The following DLG2 variants were observed in gnomAD, a reference collection of about 807,000 sequenced individuals.
DLG2 encodes the protein discs large MAGUK scaffold protein 2.
DLG2 carries 45 observed loss-of-function variants against 132.5 expected under a neutral mutation model. The observed-to-expected ratio is 0.34, with a 90% CI of 0.27 to 0.44. DLG2 has a LOEUF of 0.44. Ranked by LOEUF, DLG2 falls within the 20% of genes least tolerant of loss-of-function variation. The probability of loss-of-function intolerance (pLI) is 1.00; values close to 1 mark genes in which losing one functional copy is unlikely to be tolerated. For missense variants in DLG2, 1,045 were observed against 1,196.9 expected, an observed-to-expected ratio of 0.87 and a Z score of 1.87; for synonymous variants, 424 against 419.6, an observed-to-expected ratio of 1.01 and a Z score of -0.13.
intron 20 of DLG2, among the ~76,000 whole-genome samples, chr11:83,538,399 C>A (rs1364996805): frequency 6.6e-6 from 1 of 152,222 alleles, no homozygotes; most frequent in East Asian, 1.9e-4. Context: ...ATAGAGACAT[C>A]AGAAAGGCAT....
At chr11:85,055,487 T>A (rs1028360840) in intron 6 of DLG2, among the ~76,000 whole-genome samples, 1 of 152,170 alleles carries the variant, frequency 6.6e-6, no homozygotes, top group Non-Finnish European at 1.5e-5. Flanking sequence ...TAGAAGCTAG[T>A]GCTAAGCAAG....
At chr11:83,961,176 A>T (rs1366957494) in intron 14 of DLG2, among the ~76,000 whole-genome samples, 1 of 152,158 alleles carries the variant, frequency 6.6e-6, no homozygotes, top group South Asian at 2.1e-4. Context: ...TCATCACAAC[A>T]ACCTATTGAG....
At chr11:84,053,433 A>C (rs2096439056) in intron 11 of DLG2, among the ~76,000 whole-genome samples, 1 of 151,946 alleles carries the variant, frequency 6.6e-6, no homozygotes, top group South Asian at 2.1e-4. Flanking sequence ...ACTTAAATTA[A>C]AAGTTGAAGG....
intron 6 of DLG2, among the ~76,000 whole-genome samples, chr11:84,613,909 CTGAT>C (rs1565457949): frequency 6.6e-6 from 1 of 152,120 alleles, no homozygotes; most frequent in Non-Finnish European, 1.5e-5. Context: ...GAGGCAGTCA[CTGAT>C]AATACTTTTA....
intron 6 of DLG2, among the ~76,000 whole-genome samples, chr11:84,959,427 AG>A (rs1417497841): frequency 1.3e-5 from 2 of 152,204 alleles, no homozygotes; most frequent in Non-Finnish European, 2.9e-5. Context: ...ATTGGGTGAA[AG>A]GGCATGCATC....
intron 15 of DLG2, among the ~76,000 whole-genome samples, chr11:83,883,196 T>A (rs2066801221): frequency 6.6e-6 from 1 of 152,230 alleles, no homozygotes; most frequent in Non-Finnish European, 1.5e-5. Context: ...CCTTCATCTT[T>A]TTTTTATATG....
chr11:83,628,605 G>C (rs1172686705), intron 19 of DLG2, among the ~76,000 whole-genome samples: 1 of 152,122 alleles, frequency 6.6e-6, no homozygotes, highest in Non-Finnish European at 1.5e-5. Context: ...TAAAACAATA[G>C]AATAATGGTT....
intron 8 of DLG2, among the ~76,000 whole-genome samples, chr11:84,191,744 A>C (rs2154291309): frequency 6.6e-6 from 1 of 152,326 alleles, no homozygotes; most frequent in South Asian, 2.1e-4. Flanking sequence ...ATAAATAATC[A>C]TTGACAACTG....
chr11:85,363,573 T>C lies in DLG2; in HGVS notation c.41-78208A>G, dbSNP rs574584327. On this transcript the variant is annotated intron_variant, in intron 3 of 27. Coordinates refer to ENST00000376104, the MANE Select transcript of DLG2 (RefSeq NM_001142699.3). ...GCTAAAGTTCTAAATTAGCAGTGCC[T>C]AACATGTTGTAGGAGCTCAATCTTT... 4.8e-4 allele frequency among the ~76,000 whole-genome samples: 73 copies of C among 152,322 alleles called. 2 individuals carry two copies. The highest frequency in any genetic ancestry group is 1.6e-3 in the African/African-American group (67 of 41,574).
intron 7 of DLG2, among the ~76,000 whole-genome samples, chr11:84,461,756 A>AT (rs143425218): frequency 0.082 from 12,226 of 149,172 alleles, 530 homozygotes; most frequent in South Asian, 0.16. Context: ...TGTATACTGA[A>AT]TTTTTTTTTT....
intron 6 of DLG2, among the ~76,000 whole-genome samples, chr11:84,622,686 A>G (rs2154541660): frequency 6.6e-6 from 1 of 152,252 alleles, no homozygotes; most frequent in Admixed American, 6.5e-5. Flanking sequence ...GTTGGAACTA[A>G]TATTCCATGC....
intron 7 of DLG2, among the ~76,000 whole-genome samples, chr11:84,502,198 CTCTCCTTCCTTCCTTCCTTCCT>C (rs1189554608): frequency 0.013 from 118 of 9,038 alleles, 39 homozygotes; most frequent in Non-Finnish European, 0.025. Flanking sequence ...CTCTCTCTCT[CTCTCCTTCCTTCCTTCCTTCCT>C]TCCTTCCTTC....
chr11:83,859,796 C>T (rs537495724), intron 16 of DLG2, among the ~76,000 whole-genome samples: 6 of 152,282 alleles, frequency 3.9e-5, no homozygotes, highest in Admixed American at 2.6e-4. Context: ...CCTCCCTTCA[C>T]AGCACTGGAG....
At chr11:83,530,732 G>A (rs1356221554) in intron 21 of DLG2, among the ~76,000 whole-genome samples, 1 of 151,876 alleles carries the variant, frequency 6.6e-6, no homozygotes, top group Admixed American at 6.6e-5. Flanking sequence ...TATACTGAAG[G>A]TTCTAGCTGG....
chr11:85,369,919 G>A (rs1305308311), intron 3 of DLG2, among the ~76,000 whole-genome samples: 1 of 152,200 alleles, frequency 6.6e-6, no homozygotes, highest in East Asian at 1.9e-4. Context: ...CAGGTCACAT[G>A]ACTTTAATCT....
chr11:83,589,384 C>T (rs1184746625), intron 19 of DLG2, among the ~76,000 whole-genome samples: 5 of 146,586 alleles, frequency 3.4e-5, no homozygotes, highest in Non-Finnish European at 7.6e-5. Flanking sequence ...CATATCCAGC[C>T]AAACTAAGCT....
At chr11:84,994,831 G>A (rs1200124307) in intron 6 of DLG2, among the ~76,000 whole-genome samples, 2 of 152,136 alleles carry the variant, frequency 1.3e-5, no homozygotes, top group African/African-American at 4.8e-5. Context: ...GTGTTTCCTG[G>A]AAACAAGCTT....
chr11:85,324,922 G>T (rs1326686628), intron 3 of DLG2, among the ~76,000 whole-genome samples: 2 of 148,044 alleles, frequency 1.4e-5, no homozygotes, highest in Non-Finnish European at 3.0e-5. Context: ...TGCGCACCGT[G>T]CGCGAGCCGA....
At chr11:85,402,959 C>A (rs1234268045) in intron 3 of DLG2, among the ~76,000 whole-genome samples, 1 of 151,900 alleles carries the variant, frequency 6.6e-6, no homozygotes, top group Non-Finnish European at 1.5e-5. Context: ...CTAGAACTGG[C>A]AATACCATCT....
Sources: allele counts gnomAD v4.1 joint callset (sites outside exome capture counted in the v4.1 genomes callset), GRCh38; gene constraint gnomAD v4.1.1; transcripts MANE v1.5; gene names NCBI Gene and HGNC (gene_info 2026-07-23, HGNC 2026-07-21).